Variants in HSPG2 observed in about 807,000 individuals in gnomAD.
HSPG2 encodes basement membrane-specific heparan sulfate proteoglycan core protein.
HSPG2 carries 278 observed loss-of-function variants against 526.6 expected under a neutral mutation model. The observed-to-expected ratio is 0.53, with a 90% CI of 0.48 to 0.58. The LOEUF is 0.58. Ranked by LOEUF, HSPG2 falls within the 20% of genes least tolerant of loss-of-function variation. The pLI is 0.00. For synonymous variants in HSPG2, 2,465 were observed against 2,555.4 expected (o/e 0.96, Z 1.07); for missense variants, 5,354 against 6,099.5 (o/e 0.88, Z 4.07).
At chr1:21,855,980 G>A (rs1639312295) in intron 44 of HSPG2, 68 bp from the exon 45 acceptor site, 7 of 1,581,886 alleles carry the variant, frequency 4.4e-6, no homozygotes, top group Non-Finnish European at 4.3e-6. Flanking sequence ...CAACAGTCCT[G>A]CTGCCTACTT....
intron 49 of HSPG2, 91 bp from the exon 50 acceptor site, chr1:21,854,434 C>T: frequency 6.6e-7 from 1 of 1,508,850 alleles, no homozygotes; most frequent in Non-Finnish European, 9.0e-7. Context: ...CAAACTCTCA[C>T]TGGCTCTGCT....
chr1:21,883,775 C>T (rs1641674023), intron 13 of HSPG2, among the ~76,000 whole-genome samples: 1 of 152,240 alleles, frequency 6.6e-6, no homozygotes, highest in South Asian at 2.1e-4. Context: ...CTGCTTGATG[C>T]CACGTGGAAA....
chr1:21,880,186 C>A lies in HSPG2; in HGVS notation c.2264G>T (p.Gly755Val). The change falls in exon 17 of 97, where the codon GGG becomes GTG. Residue 755 changes from glycine to valine, a missense_variant. Physicochemically the swap from Gly to Val is moderately radical, Grantham distance 109 (BLOSUM62 -3). Coordinates refer to ENST00000374695, the MANE Select transcript of HSPG2 (RefSeq NM_005529.7). ...CDAHFTRVPGGPYLGTCSGCN... is the reference protein window; with the variant it reads ...CDAHFTRVPGVPYLGTCSGCN... ...ACCAGAGCAGGTGCCCAGGTAGGGC[C>A]CACCAGGCACCCGAGTGAAGTGGGC... The A allele has an allele frequency of 6.2e-7, 1 of 1,614,128 alleles. No individual in the cohort carries two copies. Among genetic ancestry groups the A allele is most frequent in the Non-Finnish European group, 8.5e-7 (1 of 1,180,012 alleles).
chr1:21,849,917 A>AT, intron 57 of HSPG2, 124 bp downstream of exon 57: 1 of 1,192,898 alleles, frequency 8.4e-7, no homozygotes, highest in Non-Finnish European at 1.2e-6. Context: ...TGACCTCGTG[A>AT]TCTTCCTGCC....
chr1:21,908,263 T>C, intron 1 of HSPG2: 1 of 1,025,702 alleles, frequency 9.7e-7, no homozygotes, highest in Non-Finnish European at 1.5e-6. Context: ...GCCCCACAAG[T>C]GTTACCATGG....
At chr1:21,885,512 C>G (rs1201184260) in intron 9 of HSPG2, 61 bp from the exon 10 acceptor site, 3 of 1,596,656 alleles carry the variant, frequency 1.9e-6, no homozygotes, top group Non-Finnish European at 2.6e-6. Context: ...TGGGCATCCC[C>G]AGGGCCACTC....
chr1:21,927,199 C>T (rs1375490360), intron 1 of HSPG2, among the ~76,000 whole-genome samples: 1 of 152,156 alleles, frequency 6.6e-6, no homozygotes, highest in East Asian at 1.9e-4. Context: ...TCCCCACCGA[C>T]TGGGATGGGA....
intron 1 of HSPG2, among the ~76,000 whole-genome samples, chr1:21,911,619 C>T (rs1057120269): frequency 1.3e-5 from 2 of 152,208 alleles, no homozygotes; most frequent in Non-Finnish European, 2.9e-5. Context: ...GAGCAAAGGT[C>T]TGGGGCTGAA....
intron 40 of HSPG2, 65 bp downstream of exon 40, chr1:21,860,112 C>T (rs527639354): frequency 1.2e-6 from 2 of 1,603,998 alleles, no homozygotes; most frequent in African/African-American, 1.3e-5. Context: ...GACCCAGTAT[C>T]CCCCAAATTC....
At chr1:21,868,438 A>G (rs191988210) in intron 33 of HSPG2, among the ~76,000 whole-genome samples, 2 of 152,222 alleles carry the variant, frequency 1.3e-5, no homozygotes, top group Admixed American at 1.3e-4. Flanking sequence ...GATGATAATA[A>G]TAATGATACT....
chr1:21,855,112 G>T, intron 47 of HSPG2, 129 bp from the exon 48 acceptor site: 1 of 1,375,738 alleles, frequency 7.3e-7, no homozygotes, highest in Non-Finnish European at 1.0e-6. Flanking sequence ...GCATGAAGGA[G>T]GACAAACGCC....
intron 1 of HSPG2, among the ~76,000 whole-genome samples, chr1:21,900,589 G>A (rs1225378372): frequency 6.6e-6 from 1 of 152,162 alleles, no homozygotes; most frequent in South Asian, 2.1e-4. Flanking sequence ...TAAGAACGGA[G>A]GAGAAAACTA....
chr1:21,879,055 T>A lies in HSPG2; in HGVS notation c.2410A>T (p.Met804Leu). 1 of 1,614,238 alleles carries A rather than the reference T, an allele frequency of 6.2e-7. No individual in the cohort carries two copies. The highest frequency in any genetic ancestry group is 8.5e-7 in the Non-Finnish European group (1 of 1,180,044). Reference sequence around the variant, plus strand: ...CGGCAGGAAGTGGCCGTGGCCTTCATGGCGTCCCCAAAGAAGCCAGCCTTG... The same window carrying A: ...CGGCAGGAAGTGGCCGTGGCCTTCAAGGCGTCCCCAAAGAAGCCAGCCTTG... ...KCKAGFFGDA[M>L]KATATSCRPC... Residue 804 changes from methionine (M) to leucine (L), a missense_variant, in exon 18 of 97, where the codon ATG (methionine) becomes TTG (leucine). Physicochemically the swap from Met to Leu is conservative, Grantham distance 15. Transcript: ENST00000374695.
intron 49 of HSPG2, 48 bp downstream of exon 49, chr1:21,854,562 AC>A: frequency 1.3e-6 from 2 of 1,526,282 alleles, no homozygotes; most frequent in Non-Finnish European, 1.8e-6. Context: ...CGCCTCCGCC[AC>A]AGCCCCTGCA....
chr1:21,832,642 AGCCACAG>A, intron 80 of HSPG2, 36 bp from the exon 81 acceptor site: 2 of 1,532,556 alleles, frequency 1.3e-6, no homozygotes, highest in South Asian at 1.1e-5. Flanking sequence ...GCCCCCTTCC[AGCCACAG>A]GCTCCCTGTC....
In HSPG2 at chr1:21,855,688, C is replaced by T. The variant is rs141464854; in HGVS notation, c.5702-13G>A. 494 of 1,581,976 alleles carry T rather than the reference C, an allele frequency of 3.1e-4. 4 individuals carry two copies. The East Asian group carries it at 6.0e-3, about 19-fold the overall frequency. On this transcript the variant is annotated splice_polypyrimidine_tract_variant and intron_variant, in intron 45 of 96. Transcript: ENST00000374695. ...CCGCCGGGGCCCCCTGACGAGTAGA[C>T]GTGGGGTCAGCACCCACCAAGCCTG...
Position 21,837,478 on chromosome 1 carries a change from G to A in HSPG2, c.10151-472C>T, listed in dbSNP as rs1174002972. Among the ~76,000 whole-genome samples, 6 of 150,254 alleles carry A rather than the reference G, an allele frequency of 4.0e-5. No homozygotes were observed. In the East Asian group the frequency reaches 1.2e-3, roughly 29 times the overall value. On this transcript the variant is annotated intron_variant, in intron 74 of 96. Transcript: ENST00000374695. ...TTTTTTTTTGTATTTTAGTAGAGAC[G>A]GGGTTTCACCATGTTGCCCAGGCTG...
rs113405124 is a variant in HSPG2 at position 21,896,058 on chromosome 1, G to C, written c.200-92C>G. ...CACTGTTCTGGGCACCTAGTATACAGTGGGACAGGGTTGAGAAAGCTCGGA... is the reference window on the plus strand; with the variant it reads ...CACTGTTCTGGGCACCTAGTATACACTGGGACAGGGTTGAGAAAGCTCGGA... On this transcript the variant is annotated intron_variant, in intron 2 of 96. Transcript: ENST00000374695. 12 of 1,592,032 alleles carry C rather than the reference G, an allele frequency of 7.5e-6. No individual in the cohort carries two copies. The South Asian group carries it at 1.1e-4, about 15-fold the overall frequency.
intron 50 of HSPG2, chr1:21,853,703 C>T (rs190770218): frequency 7.3e-5 from 12 of 163,300 alleles, no homozygotes; most frequent in East Asian, 3.6e-4. Flanking sequence ...GCCGAGATCA[C>T]GCGCCACTGC....
Sources: allele counts gnomAD v4.1 joint callset (sites outside exome capture counted in the v4.1 genomes callset), GRCh38; gene constraint gnomAD v4.1.1; transcripts MANE v1.5; gene names NCBI Gene and HGNC (gene_info 2026-07-23, HGNC 2026-07-21).